NPC1: variants seen among roughly 807,000 people sequenced by gnomAD.
NPC1 encodes NPC intracellular cholesterol transporter 1, also known as Niemann-Pick C1 protein.
In NPC1, 85 loss-of-function variants were observed where a neutral mutation model predicts 140.4. The observed-to-expected ratio is 0.61, with a 90% confidence interval of 0.51 to 0.72. The LOEUF is 0.72. Ranked by LOEUF, NPC1 falls within the 30% of genes least tolerant of loss-of-function variation. NPC1 has a pLI of 0.00. For missense variants in NPC1, 1,504 were observed against 1,623.8 expected (o/e 0.93, Z 1.27); for synonymous variants, 656 against 624.8 (o/e 1.05, Z -0.74).
downstream of NPC1, chr18:23,524,612 T>A (rs2058239359): frequency 1.9e-6 from 1 of 524,892 alleles, no homozygotes; most frequent in Admixed American, 3.7e-5. Flanking sequence ...GGGAATGGGA[T>A]TTTTTTTTTT....
downstream of NPC1, chr18:23,524,314 G>A (rs2058230820): frequency 6.7e-7 from 1 of 1,486,652 alleles, no homozygotes; most frequent in African/African-American, 1.4e-5. Context: ...ACTGTCCAGG[G>A]GCCTCGCGTT....
downstream of NPC1, chr18:23,519,025 T>C (rs370291227): frequency 4.8e-5 from 77 of 1,613,090 alleles, no homozygotes; most frequent in Admixed American, 5.5e-4. Flanking sequence ...TTTTAAAATG[T>C]GAACTGCAGC....
chr18:23,529,341 A>C, downstream of NPC1: 1 of 1,579,544 alleles, frequency 6.3e-7, no homozygotes, highest in Non-Finnish European at 8.6e-7. Flanking sequence ...AGAATGCTCA[A>C]AACAAGGAAG....
chr18:23,567,080 C>T (rs2059136391), intron 4 of NPC1, among the ~76,000 whole-genome samples: 1 of 152,150 alleles, frequency 6.6e-6, no homozygotes, highest in Non-Finnish European at 1.5e-5. Context: ...ACCCATTCAC[C>T]TACTGAGAGA....
rs188113721 is a variant in NPC1, at chr18:23,549,763, C to T, written c.1655-1655G>A. ...ACAACTTTTTTTTTTTTTTTTAAGA[C>T]GGAGTCTTGCTCTTGTCGCCCAGGC... On this transcript the variant is annotated intron_variant, in intron 10 of 24. Transcript: ENST00000269228. Among the ~76,000 whole-genome samples, 1,206 of 133,424 alleles carry T rather than the reference C, an allele frequency of 9.0e-3. 12 individuals carry two copies. The highest frequency in any genetic ancestry group is 8.5e-3 in the Non-Finnish European group (555 of 65,260). 87.5% of individuals were successfully genotyped at this position (133,424 alleles called of 152,430 possible).
chr18:23,542,673 C>G (rs1260892232), intron 14 of NPC1, among the ~76,000 whole-genome samples: 1 of 152,220 alleles, frequency 6.6e-6, no homozygotes, highest in South Asian at 2.1e-4. Context: ...TGGTCATTAA[C>G]AAGGCTGCTT....
chr18:23,529,783 G>A (rs1477916975), downstream of NPC1: 4 of 1,441,360 alleles, frequency 2.8e-6, no homozygotes, highest in African/African-American at 2.8e-5. Context: ...CACTGTCTTA[G>A]AAGATGACTC....
chr18:23,585,197 A>G (rs1456394924), intron 1 of NPC1, among the ~76,000 whole-genome samples: 3 of 152,172 alleles, frequency 2.0e-5, no homozygotes, highest in African/African-American at 7.2e-5. Flanking sequence ...GCTGGAGTAC[A>G]CCGGCGTGAT....
At chr18:23,569,067 T>C in intron 3 of NPC1, 69 bp from the exon 4 acceptor site, 1 of 1,069,814 alleles carries the variant, frequency 9.3e-7, no homozygotes, top group Admixed American at 1.8e-5. Context: ...CGATTTTAAA[T>C]AGACAAAGAA....
Position 23,541,375 on chromosome 18 carries a change from G to A in NPC1, c.2304C>T (p.Val768=), listed in dbSNP as rs183935795. ...HTFSLFAGLA[V]FIDFLLQITC... Reference sequence around the variant, plus strand: ...TAATCTGCAGAAGAAAGTCAATGAAGACTGCCAATCCCGCAAAGAGAGAGA... The same window carrying A: ...TAATCTGCAGAAGAAAGTCAATGAAAACTGCCAATCCCGCAAAGAGAGAGA... The change falls in exon 15 of 25, where the codon GTC becomes GTT. Residue 768 remains valine, a synonymous_variant. Coordinates refer to ENST00000269228, the MANE Select transcript of NPC1 (RefSeq NM_000271.5). 51 of 1,614,206 alleles carry A rather than the reference G, an allele frequency of 3.2e-5. No individual in the cohort carries two copies. In the East Asian group the frequency reaches 4.7e-4, roughly 15 times the overall value.
At position 23,531,802 on chromosome 18, in the gene NPC1, A is replaced by C; in HGVS notation, c.*400T>G. ...ATAAAATGTTATAAAGTGTATCTAC[A>C]ACCTCAACTGTCACTAAAAATATGG... On this transcript the variant is annotated 3_prime_UTR_variant, in exon 25 of 25. Coordinates refer to ENST00000269228, the MANE Select transcript of NPC1 (RefSeq NM_000271.5). The C allele has an allele frequency of 6.6e-7, 1 of 1,526,562 alleles. No homozygotes were observed. Among genetic ancestry groups the C allele is most frequent in the Non-Finnish European group, 8.7e-7 (1 of 1,146,096 alleles). 94.6% of individuals were successfully genotyped at this position (1,526,562 alleles called of 1,614,324 possible).
intron 3 of NPC1, among the ~76,000 whole-genome samples, chr18:23,569,958 T>C (rs2059177913): frequency 6.6e-6 from 1 of 152,228 alleles, no homozygotes; most frequent in Non-Finnish European, 1.5e-5. Flanking sequence ...CTTGCATTCT[T>C]GCAATCAAGA....
intron 19 of NPC1, chr18:23,539,029 A>T (rs1396786735): frequency 2.2e-6 from 1 of 449,592 alleles, no homozygotes; most frequent in Non-Finnish European, 4.1e-6. Context: ...TAAAGTGATA[A>T]AGAAAAGCCC....
At chr18:23,541,534 A>G (rs2058714136) in intron 14 of NPC1, 101 bp from the exon 15 acceptor site, 1 of 1,490,926 alleles carries the variant, frequency 6.7e-7, no homozygotes, top group East Asian at 2.3e-5. Flanking sequence ...GAGCCAGCAC[A>G]GGCCAAACGC....
intron 1 of NPC1, among the ~76,000 whole-genome samples, chr18:23,577,593 A>G (rs1164680100): frequency 6.6e-6 from 1 of 152,222 alleles, no homozygotes; most frequent in Non-Finnish European, 1.5e-5. Context: ...CCGGGGCTGC[A>G]GGTGGAGCTG....
In NPC1 at chr18:23,568,950, T is replaced by A; in HGVS notation, c.336A>T (p.Thr112=). 1 of 1,614,034 alleles carries A rather than the reference T, an allele frequency of 6.2e-7. No individual in the cohort carries two copies. The highest frequency in any genetic ancestry group is 1.1e-5 in the South Asian group (1 of 91,086). ...YNLLNLFCEL[T]CSPRQSQFLN... ...AAAACTGACTCTGTCGAGGGCTACA[T>A]GTCAGCTCACAAAACAGGTTCAGTA... Residue 112 remains threonine, a synonymous_variant, in exon 4 of 25, where the codon ACA becomes ACT. Transcript: ENST00000269228.
intron 4 of NPC1, 95 bp downstream of exon 4, chr18:23,568,728 T>C (rs1487392114): frequency 2.0e-6 from 2 of 1,012,926 alleles, no homozygotes; most frequent in Non-Finnish European, 1.6e-6. Flanking sequence ...CTGAAAATTG[T>C]GATTTTCCAG....
downstream of NPC1, chr18:23,518,793 A>G: frequency 3.7e-6 from 4 of 1,078,284 alleles, no homozygotes; most frequent in Non-Finnish European, 5.5e-6. Context: ...TACTCCATTA[A>G]GTGAATATCT....
intron 1 of NPC1, among the ~76,000 whole-genome samples, chr18:23,579,325 G>T (rs928498685): frequency 6.6e-6 from 1 of 152,166 alleles, no homozygotes; most frequent in Non-Finnish European, 1.5e-5. Context: ...ATTCCCTATT[G>T]TATTACATCT....
Sources: gnomAD v4.1 joint callset for allele counts (sites outside exome capture counted in the v4.1 genomes callset) on GRCh38, gnomAD v4.1.1 for gene constraint, MANE v1.5 for transcripts, NCBI Gene and HGNC (gene_info 2026-07-23, HGNC 2026-07-21) for gene names.